CHM: variants seen among roughly 807,000 people sequenced by gnomAD.
The protein encoded by CHM is CHM Rab escort protein.
Under a neutral mutation model 49.0 loss-of-function variants are expected in CHM, and 10 were observed. That is an observed-to-expected ratio of 0.20 (90% confidence interval 0.13 to 0.35). CHM has a LOEUF of 0.35. CHM is among the 10% of genes least tolerant of loss of function. The pLI is 1.00. For synonymous variants in CHM, 184 were observed against 167.5 expected (o/e 1.10, Z -0.76); for missense variants, 455 against 478.4 (o/e 0.95, Z 0.46).
chrX:86,046,489 T>C (rs970213063), intron 1 of CHM, among the ~76,000 whole-genome samples: 1 of 112,100 alleles, frequency 8.9e-6, no homozygotes. Flanking sequence ...CCTGAAAACA[T>C]GGCTGCTCCT....
chrX:85,904,057 G>C (rs761759421), intron 9 of CHM, among the ~76,000 whole-genome samples: 57 of 111,625 alleles, frequency 5.1e-4, no homozygotes, highest in Middle Eastern at 4.6e-3. Context: ...ATTGATTTTA[G>C]ATCTAAATTT....
intron 14 of CHM, among the ~76,000 whole-genome samples, chrX:85,871,320 A>AAAAAG (rs1487188345): frequency 1.1e-4 from 11 of 103,006 alleles, no homozygotes; most frequent in African/African-American, 4.2e-4. Context: ...AAAAAAAAAA[A>AAAAAG]AAGAAGAAAT....
chrX:85,881,794 C>T (rs959918388), intron 12 of CHM, among the ~76,000 whole-genome samples: 3 of 111,812 alleles, frequency 2.7e-5, no homozygotes, highest in African/African-American at 9.8e-5. Context: ...TCTCCTACTT[C>T]ATTCAGTGAA....
chrX:85,986,960 G>GAA (rs1003391667), intron 2 of CHM, among the ~76,000 whole-genome samples: 12 of 101,179 alleles, frequency 1.2e-4, no homozygotes, highest in African/African-American at 4.0e-4. Flanking sequence ...GAAACAGCTG[G>GAA]AAAAAAAAAA....
chrX:85,941,335 C>T (rs751023893), intron 8 of CHM, among the ~76,000 whole-genome samples: 1 of 111,449 alleles, frequency 9.0e-6, no homozygotes, highest in Admixed American at 9.6e-5. Flanking sequence ...CATGCTCCAC[C>T]CAGATCTACA....
intron 2 of CHM, among the ~76,000 whole-genome samples, chrX:86,015,909 G>C (rs747775910): frequency 1.8e-5 from 2 of 112,043 alleles, no homozygotes; most frequent in South Asian, 7.5e-4. Context: ...AAGGCAGGTG[G>C]ATCACCTCAG....
At chrX:85,907,024 G>C (rs12116376) in intron 9 of CHM, among the ~76,000 whole-genome samples, 27,156 of 110,605 alleles carry the variant, frequency 0.25, 2,513 homozygotes, top group African/African-American at 0.29. Flanking sequence ...CAGCTACTAG[G>C]GGGGCTGAGG....
intron 4 of CHM, among the ~76,000 whole-genome samples, chrX:85,971,922 G>A (rs1473763939): frequency 6.5e-5 from 6 of 92,046 alleles, no homozygotes; most frequent in Admixed American, 2.4e-4. Flanking sequence ...AACCTTGAGC[G>A]AAACACAGGG....
At chrX:86,013,733 C>CAAAAAAAAAAAAGAAAAAAAAAAAAAAAA (rs71988543) in intron 2 of CHM, among the ~76,000 whole-genome samples, 1 of 78,501 alleles carries the variant, frequency 1.3e-5, no homozygotes, top group Non-Finnish European at 2.5e-5. Context: ...GACTTCGTCT[C>CAAAAAAAAAAAAGAAAAAAAAAAAAAAAA]AAAAAAAAAA....
At chrX:86,031,700 C>T (rs771498662) in intron 1 of CHM, among the ~76,000 whole-genome samples, 10 of 68,751 alleles carry the variant, frequency 1.5e-4, no homozygotes, top group African/African-American at 2.8e-4. Context: ...ATTAGCCAGG[C>T]GCGGTGGCGC....
rs190176647 is a variant in CHM at position 86,023,389 on chromosome X, G to A, written c.116+4102C>T. On this transcript the variant is annotated intron_variant, in intron 2 of 14. Coordinates refer to ENST00000357749, the MANE Select transcript of CHM (RefSeq NM_000390.4). ...ACATGTTGCTCCATCTGTCCAAAAT[G>A]TTACTCCCAGCTCCAACCCCTACTA... Among the ~76,000 whole-genome samples, 28 of 110,542 alleles carry A rather than the reference G, an allele frequency of 2.5e-4. No individual in the cohort carries two copies. The East Asian group carries it at 8.0e-3, about 32-fold the overall frequency.
rs1923374244 is a variant in CHM, at chrX:85,861,976, C to T, written c.*2654G>A. ...AACTATAAGAACAAATATTTATTTG[C>T]AGTAATTAGGATAGCTAAAATCAAA... On this transcript the variant is annotated 3_prime_UTR_variant, in exon 15 of 15. Transcript: ENST00000357749. 9.0e-6 allele frequency: 1 copy of T among 111,666 alleles called. No individual in the cohort carries two copies. The highest frequency in any genetic ancestry group is 1.9e-5 in the Non-Finnish European group (1 of 53,045). 9.2% of individuals were successfully genotyped at this position (111,666 alleles called of 1,213,427 possible).
intron 14 of CHM, among the ~76,000 whole-genome samples, chrX:85,869,694 G>C (rs1237248865): frequency 8.9e-6 from 1 of 112,096 alleles, no homozygotes; most frequent in Non-Finnish European, 1.9e-5. Context: ...TCTGGAAAGT[G>C]TATCTAATGC....
chrX:85,913,384 G>GAAAGAA (rs1927240309), intron 8 of CHM, among the ~76,000 whole-genome samples: 1 of 95,347 alleles, frequency 1.0e-5, no homozygotes, highest in South Asian at 5.0e-4. Flanking sequence ...AAGAAAGAAA[G>GAAAGAA]AAAAAAGGAA....
chrX:85,994,933 A>G (rs941095778), intron 2 of CHM, among the ~76,000 whole-genome samples: 17 of 111,665 alleles, frequency 1.5e-4, no homozygotes, highest in African/African-American at 5.2e-4. Flanking sequence ...TTTTCTAGTC[A>G]TATAAAAGCT....
intron 4 of CHM, among the ~76,000 whole-genome samples, chrX:85,975,111 C>T (rs1271980904): frequency 9.0e-6 from 1 of 111,334 alleles, no homozygotes; most frequent in Non-Finnish European, 1.9e-5. Flanking sequence ...AATGAGCCAT[C>T]AAAATGGCTA....
chrX:85,949,514 A>G (rs1416868475), intron 8 of CHM, among the ~76,000 whole-genome samples: 2 of 110,613 alleles, frequency 1.8e-5, no homozygotes, highest in Non-Finnish European at 3.8e-5. Context: ...CCTTTGAATC[A>G]GGCAATGACA....
At chrX:86,035,475 G>A (rs1934197219) in intron 1 of CHM, among the ~76,000 whole-genome samples, 1 of 111,282 alleles carries the variant, frequency 9.0e-6, no homozygotes, top group South Asian at 3.8e-4. Flanking sequence ...TTGAAAAAAT[G>A]GAGTTAAAAA....
At chrX:85,981,894 C>A in intron 2 of CHM, 85 bp from the exon 3 acceptor site, 1 of 736,394 alleles carries the variant, frequency 1.4e-6, no homozygotes, top group Non-Finnish European at 2.0e-6. Context: ...CCATCTTTAA[C>A]CCTTAAACTT....
Sources: gnomAD v4.1 joint callset for allele counts (sites outside exome capture counted in the v4.1 genomes callset) on GRCh38, gnomAD v4.1.1 for gene constraint, MANE v1.5 for transcripts, NCBI Gene and HGNC (gene_info 2026-07-23, HGNC 2026-07-21) for gene names.